The following DLG2 variants were observed in gnomAD, a reference collection of about 807,000 sequenced individuals.
DLG2 encodes disks large homolog 2.
Under a neutral mutation model 132.5 loss-of-function variants are expected in DLG2, and 45 were observed. The observed-to-expected ratio is 0.34, with a 90% CI of 0.27 to 0.44. The LOEUF (loss-of-function observed/expected upper bound fraction) is 0.44. Among genes scored for constraint, DLG2 ranks in the 20% least tolerant of loss-of-function variants. The pLI is 1.00. For missense variants in DLG2, 1,045 were observed against 1,196.9 expected, an observed-to-expected ratio of 0.87 and a Z score of 1.87; for synonymous variants, 424 against 419.6, an observed-to-expected ratio of 1.01 and a Z score of -0.13.
chr11:84,028,098 C>A (rs1178231052), intron 11 of DLG2, among the ~76,000 whole-genome samples: 16 of 150,758 alleles, frequency 1.1e-4, no homozygotes, highest in African/African-American at 3.7e-4. Flanking sequence ...CTAGAGAGAG[C>A]AAACCAAAAT....
chr11:85,167,970 C>G (rs892788811), intron 4 of DLG2, among the ~76,000 whole-genome samples: 2 of 152,094 alleles, frequency 1.3e-5, no homozygotes, highest in Non-Finnish European at 2.9e-5. Context: ...TAATAATAAA[C>G]TTCACTCTCT....
chr11:85,421,979 A>C (rs904788037), intron 3 of DLG2, among the ~76,000 whole-genome samples: 7 of 152,026 alleles, frequency 4.6e-5, no homozygotes, highest in African/African-American at 1.7e-4. Flanking sequence ...TTTTTGGCTG[A>C]TTATTGTTTT....
chr11:83,605,013 G>GAA (rs1187715817), intron 19 of DLG2, among the ~76,000 whole-genome samples: 1 of 146,458 alleles, frequency 6.8e-6, no homozygotes, highest in African/African-American at 2.5e-5. Flanking sequence ...AAGACAGAGA[G>GAA]AGAGAGAGAG....
chr11:84,479,104 T>G (rs1311361515), intron 7 of DLG2, among the ~76,000 whole-genome samples: 1 of 152,122 alleles, frequency 6.6e-6, no homozygotes, highest in East Asian at 1.9e-4. Context: ...AAAAGTGACT[T>G]CTTTAATAAT....
At chr11:85,410,415 T>C (rs2089206242) in intron 3 of DLG2, among the ~76,000 whole-genome samples, 1 of 151,832 alleles carries the variant, frequency 6.6e-6, no homozygotes, top group East Asian at 1.9e-4. Flanking sequence ...TTGAGTAAAG[T>C]AGAAAAAGGT....
intron 11 of DLG2, among the ~76,000 whole-genome samples, chr11:84,055,182 C>T (rs1377747288): frequency 1.3e-5 from 2 of 151,956 alleles, no homozygotes; most frequent in African/African-American, 4.8e-5. Context: ...TCTTCCCTAC[C>T]TCACAAATGG....
chr11:85,178,414 T>A (rs892249546), intron 4 of DLG2, among the ~76,000 whole-genome samples: 5 of 151,990 alleles, frequency 3.3e-5, no homozygotes, highest in African/African-American at 1.2e-4. Flanking sequence ...TTTCTTTGTT[T>A]TAGATTATTT....
chr11:85,069,493 G>T (rs1205932790), intron 6 of DLG2, among the ~76,000 whole-genome samples: 1 of 152,136 alleles, frequency 6.6e-6, no homozygotes, highest in Non-Finnish European at 1.5e-5. Flanking sequence ...GTGGGCGAAG[G>T]ATATGAACAG....
chr11:85,309,459 A>G (rs893880313), intron 3 of DLG2, among the ~76,000 whole-genome samples: 2 of 152,186 alleles, frequency 1.3e-5, no homozygotes, highest in African/African-American at 4.8e-5. Context: ...CATGAAGTCA[A>G]TAAAAAGTCA....
intron 6 of DLG2, among the ~76,000 whole-genome samples, chr11:84,928,916 A>G (rs2047716646): frequency 1.4e-5 from 2 of 146,588 alleles, no homozygotes; most frequent in African/African-American, 5.0e-5. Flanking sequence ...TATAAATTTA[A>G]CAAGCCAAGA....
intron 8 of DLG2, among the ~76,000 whole-genome samples, chr11:84,248,154 G>A (rs1169666923): frequency 6.6e-6 from 1 of 152,100 alleles, no homozygotes; most frequent in Non-Finnish European, 1.5e-5. Context: ...GGAACAAAGG[G>A]GAGAGTTGGG....
At chr11:85,008,954 A>T (rs2058925001) in intron 6 of DLG2, among the ~76,000 whole-genome samples, 1 of 152,118 alleles carries the variant, frequency 6.6e-6, no homozygotes, top group Non-Finnish European at 1.5e-5. Flanking sequence ...TTGAGTTTGA[A>T]TCACAAGGAT....
intron 4 of DLG2, among the ~76,000 whole-genome samples, chr11:85,246,343 T>C (rs1383019982): frequency 6.6e-6 from 1 of 151,958 alleles, no homozygotes; most frequent in South Asian, 2.1e-4. Context: ...CTAGCCCCAA[T>C]GAATGTTAGA....
intron 7 of DLG2, among the ~76,000 whole-genome samples, chr11:84,447,072 G>C (rs1230722219): frequency 6.6e-6 from 1 of 152,120 alleles, no homozygotes; most frequent in Non-Finnish European, 1.5e-5. Flanking sequence ...TCCTGCAAGA[G>C]ATTTGGGGAA....
At chr11:84,014,457 A>G (rs2095060238) in intron 11 of DLG2, among the ~76,000 whole-genome samples, 1 of 152,184 alleles carries the variant, frequency 6.6e-6, no homozygotes, top group Non-Finnish European at 1.5e-5. Flanking sequence ...AATATACATT[A>G]ATGTTTTAAA....
intron 6 of DLG2, among the ~76,000 whole-genome samples, chr11:85,094,565 G>T (rs1220782347): frequency 6.6e-6 from 1 of 152,122 alleles, no homozygotes; most frequent in Non-Finnish European, 1.5e-5. Context: ...AATATGGATG[G>T]CTTCTTTCCT....
intron 11 of DLG2, among the ~76,000 whole-genome samples, chr11:84,033,282 C>T (rs997458055): frequency 5.9e-5 from 9 of 152,224 alleles, no homozygotes; most frequent in Admixed American, 3.3e-4. Flanking sequence ...GTCAAAGTCT[C>T]AACAAAAACA....
At chr11:83,488,831 A>G (rs1012619030) in intron 21 of DLG2, among the ~76,000 whole-genome samples, 1 of 151,964 alleles carries the variant, frequency 6.6e-6, no homozygotes, top group Non-Finnish European at 1.5e-5. Flanking sequence ...TTGGGCCACT[A>G]CTTTGTATTA....
At chr11:83,762,690 C>T (rs1313409811) in intron 18 of DLG2, among the ~76,000 whole-genome samples, 2 of 151,914 alleles carry the variant, frequency 1.3e-5, no homozygotes, top group Non-Finnish European at 2.9e-5. Flanking sequence ...ATGCCATTCT[C>T]CTGCCTCAGC....
Sources: gnomAD v4.1 joint callset for allele counts (sites outside exome capture counted in the v4.1 genomes callset) on GRCh38, gnomAD v4.1.1 for gene constraint, MANE v1.5 for transcripts, NCBI Gene and HGNC (gene_info 2026-07-23, HGNC 2026-07-21) for gene names.